Variants in HACD2 observed in about 807,000 individuals in gnomAD.
HACD2 encodes very-long-chain (3R)-3-hydroxyacyl-CoA dehydratase 2.
In HACD2, 15 loss-of-function variants were observed where a neutral mutation model predicts 31.0. That is an observed-to-expected ratio of 0.48 (90% CI 0.32 to 0.75). The LOEUF (loss-of-function observed/expected upper bound fraction) is 0.75, where lower values mean the gene tolerates loss of function less well. Ranked by LOEUF, HACD2 falls within the 30% of genes least tolerant of loss-of-function variation. The probability of loss-of-function intolerance (pLI) is 0.03; values close to 1 mark genes in which losing one functional copy is unlikely to be tolerated. For synonymous variants in HACD2, 115 were observed against 122.2 expected (o/e 0.94, Z 0.39); for missense variants, 283 against 313.0 (o/e 0.90, Z 0.72).
At chr3:123,573,267 T>C (rs2056874019) in intron 2 of HACD2, among the ~76,000 whole-genome samples, 1 of 152,238 alleles carries the variant, frequency 6.6e-6, no homozygotes, top group South Asian at 2.1e-4. Flanking sequence ...AGATTATGAC[T>C]GCTATGCATT....
At chr3:123,534,442 CTAGTCATATAAAAA>C (rs1004229515) in intron 3 of HACD2, among the ~76,000 whole-genome samples, 7 of 151,282 alleles carry the variant, frequency 4.6e-5, no homozygotes, top group African/African-American at 7.3e-5. Context: ...TAGTGTGCTG[CTAGTCATATAAAAA>C]TAGTCATATA....
chr3:123,547,892 C>T (rs1459833874), intron 3 of HACD2, among the ~76,000 whole-genome samples: 1 of 152,086 alleles, frequency 6.6e-6, no homozygotes, highest in Non-Finnish European at 1.5e-5. Flanking sequence ...AGGTAGGCAC[C>T]ATTTTCCTCA....
chr3:123,496,429 G>A (rs1256984531), intron 6 of HACD2, among the ~76,000 whole-genome samples: 1 of 152,100 alleles, frequency 6.6e-6, no homozygotes. Flanking sequence ...TTCCAAGCTG[G>A]CCAGATTTCA....
intron 1 of HACD2, 59 bp from the exon 2 acceptor site, chr3:123,582,388 G>T: frequency 8.5e-7 from 1 of 1,181,472 alleles, no homozygotes; most frequent in Non-Finnish European, 1.2e-6. Context: ...TAGCATTTAG[G>T]TTAACACACA....
intron 4 of HACD2, among the ~76,000 whole-genome samples, chr3:123,515,779 G>A (rs2056127443): frequency 1.3e-5 from 2 of 151,222 alleles, no homozygotes; most frequent in East Asian, 3.9e-4. Context: ...TTTTTGAGAC[G>A]GAGTCTTGCT....
intron 3 of HACD2, among the ~76,000 whole-genome samples, chr3:123,536,434 A>G (rs1453690471): frequency 6.6e-6 from 1 of 152,242 alleles, no homozygotes; most frequent in Non-Finnish European, 1.5e-5. Context: ...AATACAAGAA[A>G]GCAAGGAAAC....
At chr3:123,553,680 C>T (rs1205667340) in intron 3 of HACD2, among the ~76,000 whole-genome samples, 1 of 152,232 alleles carries the variant, frequency 6.6e-6, no homozygotes, top group Non-Finnish European at 1.5e-5. Context: ...ATATAAACCA[C>T]TGCATATTTA....
chr3:123,536,598 A>C (rs867436256), intron 3 of HACD2, among the ~76,000 whole-genome samples: 3 of 152,226 alleles, frequency 2.0e-5, no homozygotes, highest in Non-Finnish European at 2.9e-5. Context: ...GAAAAAACTA[A>C]ATCTGCACTG....
chr3:123,502,416 T>G, intron 5 of HACD2, 144 bp downstream of exon 5: 3 of 753,692 alleles, frequency 4.0e-6, no homozygotes, highest in Non-Finnish European at 6.3e-6. Flanking sequence ...CAGACTCCTA[T>G]TCTGATGAAA....
intron 3 of HACD2, among the ~76,000 whole-genome samples, chr3:123,540,504 G>A (rs565573822): frequency 6.6e-6 from 1 of 152,292 alleles, no homozygotes; most frequent in South Asian, 2.1e-4. Flanking sequence ...TAACTTAAAA[G>A]GGTGTCACGT....
intron 4 of HACD2, among the ~76,000 whole-genome samples, chr3:123,522,515 T>C (rs2056229219): frequency 6.6e-6 from 1 of 152,134 alleles, no homozygotes; most frequent in African/African-American, 2.4e-5. Flanking sequence ...AAACCATCTA[T>C]GCTAAATATA....
intron 3 of HACD2, among the ~76,000 whole-genome samples, chr3:123,556,347 G>A (rs2056672499): frequency 1.3e-5 from 2 of 151,614 alleles, no homozygotes; most frequent in South Asian, 2.1e-4. Context: ...TGAGGTGGGA[G>A]GATCACCTGA....
intron 2 of HACD2, among the ~76,000 whole-genome samples, chr3:123,581,932 G>C (rs2056970242): frequency 6.6e-6 from 1 of 152,064 alleles, no homozygotes; most frequent in African/African-American, 2.4e-5. Flanking sequence ...GCTTCCCCAG[G>C]ATGTCCCTAG....
At chr3:123,547,291 A>G (rs2056571119) in intron 3 of HACD2, among the ~76,000 whole-genome samples, 1 of 152,214 alleles carries the variant, frequency 6.6e-6, no homozygotes, top group African/African-American at 2.4e-5. Context: ...TAAGCAAATC[A>G]GCCCCAGATC....
intron 3 of HACD2, among the ~76,000 whole-genome samples, chr3:123,537,611 G>A (rs904562767): frequency 1.6e-4 from 19 of 121,094 alleles, no homozygotes; most frequent in South Asian, 5.3e-4. Flanking sequence ...ACACACACAC[G>A]GTAAAAAAAA....
intron 3 of HACD2, among the ~76,000 whole-genome samples, chr3:123,538,877 T>C (rs2056456236): frequency 6.6e-6 from 1 of 152,202 alleles, no homozygotes; most frequent in Non-Finnish European, 1.5e-5. Context: ...TTATATCATA[T>C]GGCATTCAAA....
intron 4 of HACD2, among the ~76,000 whole-genome samples, chr3:123,513,867 T>C (rs2056098884): frequency 6.6e-6 from 1 of 152,190 alleles, no homozygotes; most frequent in African/African-American, 2.4e-5. Context: ...TTTGGAGAGT[T>C]CTATGCAGGT....
intron 1 of HACD2, 33 bp downstream of exon 1, chr3:123,584,840 C>T: frequency 6.9e-7 from 1 of 1,457,906 alleles, no homozygotes; most frequent in Non-Finnish European, 9.1e-7. Flanking sequence ...CCCGGCCGCG[C>T]TGGCTCCCCG....
rs2056715711 is a variant in HACD2, at chr3:123,560,463, C to T, written c.292+7299G>A. Among the ~76,000 whole-genome samples the T allele has an allele frequency of 2.6e-5, 4 of 152,174 alleles. No homozygotes were observed. The South Asian group carries it at 8.3e-4, about 32-fold the overall frequency. ...TCTCCCCAGGCGGCTCTCCAGGGGT[C>T]AGCCTTAGAAACCTCTAAGCAGGGG... On this transcript the variant is annotated intron_variant, in intron 3 of 6. Transcript: ENST00000383657.
Sources: allele counts gnomAD v4.1 joint callset (sites outside exome capture counted in the v4.1 genomes callset), GRCh38; gene constraint gnomAD v4.1.1; transcripts MANE v1.5; gene names NCBI Gene and HGNC (gene_info 2026-07-23, HGNC 2026-07-21).